DGKB: variants seen among roughly 807,000 people sequenced by gnomAD.
The protein encoded by DGKB is diacylglycerol kinase beta.
A neutral mutation model predicts 114.3 loss-of-function variants in DGKB; 67 were observed. That is an observed-to-expected ratio of 0.59 (90% confidence interval 0.48 to 0.72). The LOEUF (loss-of-function observed/expected upper bound fraction) is 0.72. Ranked by LOEUF, DGKB falls within the 30% of genes least tolerant of loss-of-function variation. The probability of loss-of-function intolerance (pLI) is 0.00; values close to 1 mark genes in which losing one functional copy is unlikely to be tolerated. For missense variants in DGKB, 907 were observed against 975.2 expected (o/e 0.93, Z 0.93); for synonymous variants, 398 against 323.1 (o/e 1.23, Z -2.49).
intron 1 of DGKB, among the ~76,000 whole-genome samples, chr7:14,951,662 G>T (rs929765045): frequency 2.0e-5 from 3 of 151,882 alleles, no homozygotes; most frequent in Non-Finnish European, 4.4e-5. Flanking sequence ...ATGTGCTTTA[G>T]TTAATAATAA....
rs147714314 is a variant in DGKB at position 14,155,751 on chromosome 7, T to C, written c.2305-6513A>G. Among the ~76,000 whole-genome samples, 6 of 152,230 alleles carry C rather than the reference T, an allele frequency of 3.9e-5. No individual in the cohort carries two copies. In the East Asian group the frequency reaches 9.7e-4, roughly 24 times the overall value. ...GATTTTACTGCAATTTCCATGCTTG[T>C]GGTCTTCGTAATGTGTGTAGTGATG... is the stretch of plus-strand genomic sequence containing the variant. On this transcript the variant is annotated intron_variant, in intron 25 of 25. Coordinates refer to ENST00000402815, the MANE Select transcript of DGKB (RefSeq NM_001350709.2).
rs910594274 is a variant in DGKB, at chr7:14,730,297, G to A, written c.322+5744C>T. Among the ~76,000 whole-genome samples the A allele has an allele frequency of 3.3e-5, 5 of 152,202 alleles. No homozygotes were observed. In the South Asian group the frequency reaches 1.0e-3, roughly 31 times the overall value. On this transcript the variant is annotated intron_variant, in intron 5 of 25. Coordinates refer to ENST00000402815, the MANE Select transcript of DGKB (RefSeq NM_001350709.2). Reference sequence around the variant, plus strand: ...TGGAGTTGGCATGGGTGGCGATGGAGAAGGGACAGGGATGCTACAAGGGAC... The same window carrying A: ...TGGAGTTGGCATGGGTGGCGATGGAAAAGGGACAGGGATGCTACAAGGGAC...
At chr7:14,741,103 T>A (rs116540874) in intron 4 of DGKB, among the ~76,000 whole-genome samples, 5,441 of 152,196 alleles carry the variant, frequency 0.036, 312 homozygotes, top group African/African-American at 0.12. Flanking sequence ...AGATGGTTAA[T>A]CCTGTCTCCA....
intron 20 of DGKB, among the ~76,000 whole-genome samples, chr7:14,510,919 T>G (rs990527343): frequency 6.6e-6 from 1 of 152,230 alleles, no homozygotes; most frequent in Admixed American, 6.5e-5. Flanking sequence ...GAAAGGAATC[T>G]TATTTTCTGA....
intron 7 of DGKB, among the ~76,000 whole-genome samples, chr7:14,699,239 C>G (rs921515543): frequency 6.6e-6 from 1 of 152,032 alleles, no homozygotes; most frequent in Non-Finnish European, 1.5e-5. Context: ...AAACATAAAT[C>G]CCTTTGAATT....
chr7:14,197,755 T>C (rs183623158), intron 23 of DGKB, among the ~76,000 whole-genome samples: 2 of 152,234 alleles, frequency 1.3e-5, no homozygotes, highest in African/African-American at 4.8e-5. Context: ...ATTAGAAAGG[T>C]CTGTTTCTCA....
rs75953161 is a variant in DGKB at position 14,179,183 on chromosome 7, T to C, written c.2123-1032A>G. On this transcript the variant is annotated intron_variant, in intron 23 of 25. Transcript: ENST00000402815. ...CAAGGTTCCTTTCCAATCTGAATAT[T>C]TGCATTCAGCCAGAAAGCAGAAGTT... Among the ~76,000 whole-genome samples, 963 of 152,284 alleles carry C rather than the reference T, an allele frequency of 6.3e-3. 12 individuals are homozygous for C. The highest frequency in any genetic ancestry group is 0.021 in the African/African-American group (878 of 41,566).
chr7:14,413,449 T>C (rs1372496707), intron 21 of DGKB, among the ~76,000 whole-genome samples: 3 of 152,078 alleles, frequency 2.0e-5, no homozygotes, highest in African/African-American at 7.2e-5. Flanking sequence ...GATGCCAATG[T>C]GGTAGTTGGG....
intron 1 of DGKB, among the ~76,000 whole-genome samples, chr7:14,871,632 T>G (rs568102529): frequency 6.6e-6 from 1 of 152,292 alleles, no homozygotes; most frequent in African/African-American, 2.4e-5. Flanking sequence ...TTAGGCCTTC[T>G]GTTTCTTATA....
intron 1 of DGKB, among the ~76,000 whole-genome samples, chr7:14,933,218 T>C (rs781258042): frequency 6.6e-5 from 10 of 152,194 alleles, no homozygotes; most frequent in Non-Finnish European, 1.2e-4. Flanking sequence ...ACATCACTAA[T>C]TATTTTCTAT....
intron 23 of DGKB, among the ~76,000 whole-genome samples, chr7:14,222,029 T>C (rs1292375632): frequency 1.3e-5 from 2 of 151,358 alleles, no homozygotes; most frequent in African/African-American, 4.8e-5. Context: ...TCTACTAGTT[T>C]GAATCTTCTC....
At chr7:14,668,450 C>T (rs1818417928) in intron 13 of DGKB, among the ~76,000 whole-genome samples, 1 of 152,050 alleles carries the variant, frequency 6.6e-6, no homozygotes, top group South Asian at 2.1e-4. Flanking sequence ...ACCACTCGGG[C>T]TCCACTTCTA....
At chr7:14,270,838 G>T (rs1301041681) in intron 23 of DGKB, among the ~76,000 whole-genome samples, 7 of 152,156 alleles carry the variant, frequency 4.6e-5, no homozygotes, top group Non-Finnish European at 1.0e-4. Flanking sequence ...CTGTAGGGGG[G>T]TGGGGTAGAA....
intron 14 of DGKB, among the ~76,000 whole-genome samples, chr7:14,624,017 T>C (rs1376937669): frequency 1.3e-5 from 2 of 152,190 alleles, no homozygotes; most frequent in African/African-American, 4.8e-5. Context: ...CATTAAAGTA[T>C]GTATTCAATA....
chr7:14,418,296 C>A (rs1826054263), intron 21 of DGKB, among the ~76,000 whole-genome samples: 1 of 136,046 alleles, frequency 7.4e-6, no homozygotes, highest in Non-Finnish European at 1.6e-5. Flanking sequence ...TGTATATATA[C>A]ATATATGTAT....
At position 14,145,297 on chromosome 7, in the gene DGKB, G is replaced by A. The variant is rs1320452096; in HGVS notation, c.*3834C>T. The A allele has an allele frequency of 6.6e-6, 1 of 151,938 alleles. No homozygotes were observed. The highest frequency in any genetic ancestry group is 1.5e-5 in the Non-Finnish European group (1 of 68,002). 9.4% of individuals were successfully genotyped at this position (151,938 alleles called of 1,614,324 possible). ...GGTTTTATTTATTTATTTTCTTAAA[G>A]TTTACAGCTTTAATATATGTTACAA... On this transcript the variant is annotated 3_prime_UTR_variant, in exon 26 of 26. Coordinates refer to ENST00000402815, the MANE Select transcript of DGKB (RefSeq NM_001350709.2).
At chr7:14,155,965 G>A (rs1782956239) in intron 25 of DGKB, among the ~76,000 whole-genome samples, 1 of 152,082 alleles carries the variant, frequency 6.6e-6, no homozygotes. Flanking sequence ...CAGCAATTGA[G>A]ACGAAATTAC....
chr7:14,885,074 G>C (rs1854818121), intron 1 of DGKB, among the ~76,000 whole-genome samples: 1 of 151,922 alleles, frequency 6.6e-6, no homozygotes, highest in Admixed American at 6.6e-5. Context: ...GATTGGTTTA[G>C]ACGATTGCTG....
Position 14,682,558 on chromosome 7 carries a change from T to C in DGKB, c.1030A>G (p.Ile344Val), listed in dbSNP as rs760929255. 1 of 1,609,604 alleles carries C rather than the reference T, an allele frequency of 6.2e-7. No homozygotes were observed. Among genetic ancestry groups the C allele is most frequent in the Non-Finnish European group, 8.5e-7 (1 of 1,176,106 alleles). Reference sequence around the variant, plus strand: ...GTTTTCCAATTTTTACTCACTGTGATCTGACACCAAACACAATGCAGTCCT... The same window carrying C: ...GTTTTCCAATTTTTACTCACTGTGACCTGACACCAAACACAATGCAGTCCT... The part of the protein sequence containing the change: ...LTGLHCVWCQ[I>V]TLHNKCASHL... Residue 344 changes from isoleucine to valine, a missense_variant, in exon 12 of 26, where the codon ATC becomes GTC. Around this residue, in one of 3 missense-constraint regions of DGKB, gnomAD observed 814 missense variants for 856.6 expected, o/e 0.95. Transcript: ENST00000402815.
Sources: gnomAD v4.1 joint callset for allele counts (sites outside exome capture counted in the v4.1 genomes callset) on GRCh38, gnomAD v4.1.1 for gene constraint, gnomAD v4.1.1 regional missense constraint, MANE v1.5 for transcripts, NCBI Gene and HGNC (gene_info 2026-07-23, HGNC 2026-07-21) for gene names.